Variants in CDH23 observed in about 807,000 individuals in gnomAD.
The protein encoded by CDH23 is cadherin-23.
In CDH23, 189 loss-of-function variants were observed where a neutral mutation model predicts 317.1. The observed-to-expected ratio is 0.60, with a 90% confidence interval of 0.53 to 0.67. The LOEUF (loss-of-function observed/expected upper bound fraction) is 0.67, where lower values mean the gene tolerates loss of function less well. CDH23 is among the 30% of genes least tolerant of loss of function. CDH23 has a pLI of 0.00. For synonymous variants in CDH23, 1,839 were observed against 1,876.8 expected (o/e 0.98, Z 0.52); for missense variants, 4,401 against 4,592.4 (o/e 0.96, Z 1.20).
In CDH23 at chr10:71,510,158, C is replaced by A; in HGVS notation, c.222C>A (p.Ala74=). 6.2e-7 allele frequency: 1 copy of A among 1,613,996 alleles called. No individual in the cohort carries two copies. Among genetic ancestry groups the A allele is most frequent in the Non-Finnish European group, 8.5e-7 (1 of 1,179,884 alleles). Residue 74 remains alanine, a synonymous_variant, in exon 4 of 70, where the codon GCC becomes GCA. Transcript: ENST00000224721. ...PLVFGVSGEE[A]SRFFAVEPDT... is the part of the protein sequence containing the mutation. ...TGTTTGGCGTGTCTGGGGAGGAGGC[C>A]TCTCGCTTCTTTGCAGTGGAGCCTG...
At chr10:71,645,061 G>A (rs1862766522) in intron 12 of CDH23, among the ~76,000 whole-genome samples, 1 of 152,246 alleles carries the variant, frequency 6.6e-6, no homozygotes, top group Non-Finnish European at 1.5e-5. Context: ...CTTTCTGTGA[G>A]GAGAGTCAGG....
Position 71,725,490 on chromosome 10 carries a change from C to G in CDH23, c.3549C>G (p.His1183Gln), listed in dbSNP as rs752279244. ...TGCTGATAGTGGAGGCCTACAACCA[C>G]GACCTGGGCCCCATGCGGAGCTCCG... ...SHVLIVEAYN[H>Q]DLGPMRSSVR... is the part of the protein sequence containing the mutation. The change falls in exon 30 of 70, where the codon CAC (histidine) becomes CAG (glutamine). Residue 1183 changes from histidine (H) to glutamine (Q), a missense_variant. Physicochemically the swap from His to Gln is conservative, Grantham distance 24. Coordinates refer to ENST00000224721, the MANE Select transcript of CDH23 (RefSeq NM_022124.6). 2 of 1,613,824 alleles carry G rather than the reference C, an allele frequency of 1.2e-6. No individual in the cohort carries two copies. Among genetic ancestry groups the G allele is most frequent in the Admixed American group, 1.7e-5 (1 of 60,000 alleles).
At chr10:71,446,513 A>G (rs1156718451) in intron 3 of CDH23, 118 bp downstream of exon 3, 3 of 1,062,946 alleles carry the variant, frequency 2.8e-6, no homozygotes. Flanking sequence ...AATCTTTTCC[A>G]TTGTGTAGAA....
chr10:71,739,429 C>T (rs550570913), intron 35 of CDH23, among the ~76,000 whole-genome samples: 1 of 152,296 alleles, frequency 6.6e-6, no homozygotes, highest in Admixed American at 6.5e-5. Flanking sequence ...ATCTCCTAGC[C>T]CCGGAACTTT....
chr10:71,595,398 T>G (rs1182459498), intron 9 of CDH23, among the ~76,000 whole-genome samples: 1 of 152,142 alleles, frequency 6.6e-6, no homozygotes, highest in Non-Finnish European at 1.5e-5. Context: ...ACCACCCGCT[T>G]GCATCATCTA....
At chr10:71,779,734 G>T (rs1840905482) in intron 41 of CDH23, among the ~76,000 whole-genome samples, 1 of 152,238 alleles carries the variant, frequency 6.6e-6, no homozygotes, top group Non-Finnish European at 1.5e-5. Context: ...TGCATACCCA[G>T]AGGAAGGGCC....
At chr10:71,575,695 G>A (rs1293400087) in intron 8 of CDH23, among the ~76,000 whole-genome samples, 8 of 152,192 alleles carry the variant, frequency 5.3e-5, no homozygotes, top group African/African-American at 1.7e-4. Flanking sequence ...AGCAGGCAGC[G>A]TGCCCTTGGG....
intron 14 of CDH23, among the ~76,000 whole-genome samples, chr10:71,660,405 G>A (rs781618629): frequency 3.3e-5 from 5 of 152,100 alleles, no homozygotes; most frequent in Non-Finnish European, 5.9e-5. Flanking sequence ...ACCAGCCTTG[G>A]GCGGCTCCTT....
rs186890487 is a variant in CDH23, at chr10:71,495,820, A to G, written c.146-14262A>G. ...GTGACAGAGGTTTTGGAAAAAAAAA[A>G]AAAGAAAGAAAGAAAGAAAGAAGGA... On this transcript the variant is annotated intron_variant, in intron 3 of 69. Transcript: ENST00000224721. Among the ~76,000 whole-genome samples, 269 of 147,374 alleles carry G rather than the reference A, an allele frequency of 1.8e-3. 5 individuals carry two copies. The highest frequency in any genetic ancestry group is 6.8e-3 in the Middle Eastern group (2 of 294).
At chr10:71,813,502 G>T (rs1011182605) in intron 69 of CDH23, among the ~76,000 whole-genome samples, 154 bp downstream of exon 69, 1 of 152,200 alleles carries the variant, frequency 6.6e-6, no homozygotes, top group African/African-American at 2.4e-5. Context: ...CAGACAGCAG[G>T]ATCTGCTTTC....
In CDH23 at chr10:71,396,932, G is replaced by T; in HGVS notation, c.-392G>T. The T allele has an allele frequency of 6.5e-6, 1 of 153,418 alleles. No individual in the cohort carries two copies. The highest frequency in any genetic ancestry group is 1.9e-4 in the South Asian group (1 of 5,370). The allele number at this position is 153,418 out of a possible 1,614,324, so 9.5% of individuals were successfully genotyped here. A position where few individuals can be genotyped will look rare whatever the true frequency, so the allele number is the denominator to read the frequency against. On this transcript the variant is annotated 5_prime_UTR_variant, in exon 1 of 70. Transcript: ENST00000224721. The surrounding 1 kb of genome is among the most constrained non-coding windows in gnomAD (Gnocchi z 4.2). ...GCAAGGGAAAGTTGATCGCGGACTT[G>T]AGCGGCGGCGGCGGCTCGGGAGAGA...
intron 19 of CDH23, among the ~76,000 whole-genome samples, chr10:71,689,716 G>T (rs1307913427): frequency 6.6e-6 from 1 of 152,226 alleles, no homozygotes; most frequent in Non-Finnish European, 1.5e-5. Flanking sequence ...CAAGTTAGAG[G>T]GTATCTTTAG....
chr10:71,564,172 A>G (rs544352238), intron 6 of CDH23, among the ~76,000 whole-genome samples: 16 of 152,324 alleles, frequency 1.1e-4, no homozygotes, highest in African/African-American at 2.9e-4. Flanking sequence ...ACCTGGCCCC[A>G]TAAAGCAAAT....
intron 29 of CDH23, among the ~76,000 whole-genome samples, chr10:71,724,548 CA>C (rs1184908550): frequency 1.1e-4 from 16 of 152,336 alleles, no homozygotes; most frequent in Admixed American, 9.8e-4. Context: ...GTGATCCACC[CA>C]TCTCAGCCTT....
intron 20 of CDH23, 137 bp from the exon 21 acceptor site, chr10:71,694,010 C>A: frequency 1.4e-6 from 1 of 736,824 alleles, no homozygotes; most frequent in Admixed American, 2.0e-5. Flanking sequence ...ACATCCAGGC[C>A]GCCAGATCAT....
intron 3 of CDH23, among the ~76,000 whole-genome samples, chr10:71,485,445 G>GC (rs1359839946): frequency 5.3e-5 from 8 of 152,356 alleles, no homozygotes; most frequent in African/African-American, 1.9e-4. Context: ...CATCCGTCCT[G>GC]CATTGACCTT....
chr10:71,578,897 G>T (rs1286913008), intron 9 of CDH23, among the ~76,000 whole-genome samples: 1 of 152,216 alleles, frequency 6.6e-6, no homozygotes, highest in Non-Finnish European at 1.5e-5. Context: ...GAGTGGCATT[G>T]TTGGAGTAGC....
At chr10:71,773,540 C>G in intron 38 of CDH23, 1 of 1,197,760 alleles carries the variant, frequency 8.3e-7, no homozygotes. Flanking sequence ...CGAGTGAGCG[C>G]TGCGGGCGGC....
Position 71,739,676 on chromosome 10 carries a change from G to T in CDH23, c.4392G>T (p.Ala1464=). ...VVFSLASGNI[A]GAFEIVTTND... is the part of the protein sequence containing the mutation. Reference sequence around the variant, plus strand: ...TCTCCCTGGCCTCTGGCAACATCGCGGGGGCCTTTGAGATCGTCACCACCA... The same window carrying T: ...TCTCCCTGGCCTCTGGCAACATCGCTGGGGCCTTTGAGATCGTCACCACCA... Residue 1464 remains alanine, a synonymous_variant, in exon 36 of 70, where the codon GCG becomes GCT. Coordinates refer to ENST00000224721, the MANE Select transcript of CDH23 (RefSeq NM_022124.6). 1.2e-6 allele frequency: 2 copies of T among 1,613,060 alleles called. No individual in the cohort carries two copies. The highest frequency in any genetic ancestry group is 1.7e-6 in the Non-Finnish European group (2 of 1,179,528).
Sources: allele counts gnomAD v4.1 joint callset (sites outside exome capture counted in the v4.1 genomes callset), GRCh38; gene constraint gnomAD v4.1.1; non-coding constraint Gnocchi (gnomAD v3.1); transcripts MANE v1.5; gene names NCBI Gene and HGNC (gene_info 2026-07-23, HGNC 2026-07-21).